Variants in CCBE1 observed in about 807,000 individuals in gnomAD.
CCBE1 encodes collagen and calcium binding EGF domains 1, also known as collagen and calcium-binding EGF domain-containing protein 1.
Under a neutral mutation model 50.0 loss-of-function variants are expected in CCBE1, and 37 were observed. The ratio of observed to expected loss-of-function variants is 0.74; its 90% CI spans 0.57 to 0.97. The LOEUF is 0.97. CCBE1 is among the 50% of genes least tolerant of loss of function. CCBE1 has a pLI of 0.00. For synonymous variants in CCBE1, 234 were observed against 203.7 expected (o/e 1.15, Z -1.27); for missense variants, 538 against 523.8 (o/e 1.03, Z -0.26).
chr18:59,454,005 A>C (rs753939701), intron 6 of CCBE1, among the ~76,000 whole-genome samples: 1 of 152,200 alleles, frequency 6.6e-6, no homozygotes, highest in Non-Finnish European at 1.5e-5. Context: ...CCTTGGTGAC[A>C]CAAAGTACCC....
intron 2 of CCBE1, among the ~76,000 whole-genome samples, chr18:59,539,695 A>T (rs1405789824): frequency 6.6e-6 from 1 of 152,198 alleles, no homozygotes; most frequent in Non-Finnish European, 1.5e-5. Flanking sequence ...GATGAATCTG[A>T]CCTTATCTTC....
intron 2 of CCBE1, among the ~76,000 whole-genome samples, chr18:59,562,094 AT>A (rs1287135015): frequency 7.2e-5 from 11 of 152,208 alleles, no homozygotes; most frequent in African/African-American, 2.7e-4. Flanking sequence ...AACTTGAGTT[AT>A]TTATTGACTG....
intron 2 of CCBE1, among the ~76,000 whole-genome samples, chr18:59,629,589 G>A (rs1181872049): frequency 6.6e-6 from 1 of 152,196 alleles, no homozygotes; most frequent in Non-Finnish European, 1.5e-5. Context: ...ACATGATTAA[G>A]AAAGGAGTGG....
chr18:59,595,128 A>AAAAAAAAAAAAAAAAAAAAAAC (rs2053332698), intron 2 of CCBE1, among the ~76,000 whole-genome samples: 1 of 151,704 alleles, frequency 6.6e-6, no homozygotes, highest in African/African-American at 2.4e-5. Flanking sequence ...AAAAAAAAAA[A>AAAAAAAAAAAAAAAAAAAAAAC]AAAAATCCAT....
intron 2 of CCBE1, among the ~76,000 whole-genome samples, chr18:59,692,261 T>C (rs1025354992): frequency 9.2e-5 from 14 of 152,160 alleles, no homozygotes; most frequent in African/African-American, 3.4e-4. Context: ...GCACTTCCTA[T>C]GTGTCGTGAA....
chr18:59,606,295 C>T (rs1286537151), intron 2 of CCBE1, among the ~76,000 whole-genome samples: 7 of 152,122 alleles, frequency 4.6e-5, no homozygotes, highest in Admixed American at 4.6e-4. Context: ...GACAGAAGGA[C>T]ACAGTGACCC....
chr18:59,588,594 A>G lies in CCBE1; in HGVS notation c.212+108035T>C, dbSNP rs187521743. Among the ~76,000 whole-genome samples the G allele has an allele frequency of 2.8e-3, 419 of 152,252 alleles. 5 individuals are homozygous for G. The highest frequency in any genetic ancestry group is 3.6e-3 in the Non-Finnish European group (246 of 68,014). On this transcript the variant is annotated intron_variant, in intron 2 of 10. Coordinates refer to ENST00000439986, the MANE Select transcript of CCBE1 (RefSeq NM_133459.4). ...TTTAACTCTTGTAGGTAATTTTTCTACCAGATAGCAAGAAGTATTTCTCTT... is the reference window on the plus strand; with the variant it reads ...TTTAACTCTTGTAGGTAATTTTTCTGCCAGATAGCAAGAAGTATTTCTCTT...
At chr18:59,606,154 C>T (rs965512443) in intron 2 of CCBE1, among the ~76,000 whole-genome samples, 4 of 152,146 alleles carry the variant, frequency 2.6e-5, no homozygotes, top group African/African-American at 9.7e-5. Flanking sequence ...TTCATTGTTT[C>T]GGAAAAATGC....
At chr18:59,631,800 T>C (rs2053852460) in intron 2 of CCBE1, among the ~76,000 whole-genome samples, 2 of 152,162 alleles carry the variant, frequency 1.3e-5, no homozygotes, top group Non-Finnish European at 2.9e-5. Context: ...AGGTAGAAAT[T>C]TGGGGTCTGA....
intron 2 of CCBE1, among the ~76,000 whole-genome samples, chr18:59,614,798 T>C (rs2053616883): frequency 1.3e-5 from 2 of 152,268 alleles, no homozygotes; most frequent in Admixed American, 6.5e-5. Flanking sequence ...TCTGTTAATA[T>C]GCTATTAAAT....
chr18:59,595,635 C>T (rs2053339654), intron 2 of CCBE1, among the ~76,000 whole-genome samples: 1 of 152,202 alleles, frequency 6.6e-6, no homozygotes, highest in Admixed American at 6.5e-5. Flanking sequence ...CAATGAATGA[C>T]TATTATCAGC....
chr18:59,574,982 A>G (rs945481211), intron 2 of CCBE1, among the ~76,000 whole-genome samples: 5 of 152,166 alleles, frequency 3.3e-5, no homozygotes, highest in African/African-American at 1.2e-4. Context: ...AATCCATATA[A>G]AAAGGGGAAA....
chr18:59,584,632 A>T (rs1033118822), intron 2 of CCBE1, among the ~76,000 whole-genome samples: 5 of 152,196 alleles, frequency 3.3e-5, no homozygotes, highest in Admixed American at 6.5e-5. Context: ...AGTTCTTGCG[A>T]GATCTGGTTG....
intron 2 of CCBE1, among the ~76,000 whole-genome samples, chr18:59,557,481 C>T (rs2052670533): frequency 6.6e-6 from 1 of 152,134 alleles, no homozygotes; most frequent in Non-Finnish European, 1.5e-5. Flanking sequence ...ACCCAAGTAA[C>T]AGAAGGATCA....
chr18:59,697,596 C>T (rs2195534), upstream of CCBE1: 201,590 of 504,774 alleles, frequency 0.4, 42,195 homozygotes, highest in Non-Finnish European at 0.45. Context: ...CCGGCTGGCG[C>T]GAGGGCCCTG....
intron 2 of CCBE1, among the ~76,000 whole-genome samples, chr18:59,625,689 A>G (rs1436788645): frequency 2.1e-5 from 3 of 144,672 alleles, no homozygotes; most frequent in African/African-American, 7.7e-5. Flanking sequence ...CCACCCGCCA[A>G]TTCTTACATT....
rs1225326443 is a variant in CCBE1, at chr18:59,439,661, C to T, written c.915+16G>A. On this transcript the variant is annotated intron_variant, in intron 8 of 10. Coordinates refer to ENST00000439986, the MANE Select transcript of CCBE1 (RefSeq NM_133459.4). Reference sequence around the variant, plus strand: ...TTTCCCCCAAAAAGGAAGTGGATCTCTGATAAGATACTGACCACAGGGCCC... The same window carrying T: ...TTTCCCCCAAAAAGGAAGTGGATCTTTGATAAGATACTGACCACAGGGCCC... The T allele has an allele frequency of 6.2e-7, 1 of 1,614,212 alleles. No individual in the cohort carries two copies. The highest frequency in any genetic ancestry group is 8.5e-7 in the Non-Finnish European group (1 of 1,180,038).
At chr18:59,654,418 G>C (rs566216240) in intron 2 of CCBE1, among the ~76,000 whole-genome samples, 4 of 152,164 alleles carry the variant, frequency 2.6e-5, no homozygotes, top group Admixed American at 6.6e-5. Flanking sequence ...TTGAGGTCAC[G>C]AGTTCGAAAC....
intron 2 of CCBE1, among the ~76,000 whole-genome samples, chr18:59,679,288 T>C (rs2054553500): frequency 6.6e-6 from 1 of 152,156 alleles, no homozygotes; most frequent in Non-Finnish European, 1.5e-5. Flanking sequence ...GGAAGTACCA[T>C]CCACTAATGA....
Sources: gnomAD v4.1 joint callset for allele counts (sites outside exome capture counted in the v4.1 genomes callset) on GRCh38, gnomAD v4.1.1 for gene constraint, MANE v1.5 for transcripts, NCBI Gene and HGNC (gene_info 2026-07-23, HGNC 2026-07-21) for gene names.